The following TTC6 variants were observed in gnomAD, a reference collection of about 807,000 sequenced individuals.
The protein encoded by TTC6 is tetratricopeptide repeat protein 6.
A neutral mutation model predicts 210.4 loss-of-function variants in TTC6; 172 were observed. The ratio of observed to expected loss-of-function variants is 0.82; its 90% confidence interval spans 0.72 to 0.93. The LOEUF (loss-of-function observed/expected upper bound fraction) is 0.93, where lower values mean the gene tolerates loss of function less well. TTC6 is among the 40% of genes least tolerant of loss of function. The probability of loss-of-function intolerance (pLI) is 0.00; values close to 1 mark genes in which losing one functional copy is unlikely to be tolerated. For missense variants in TTC6, 2,414 were observed against 2,318.1 expected (o/e 1.04, Z -0.85); for synonymous variants, 804 against 819.6 (o/e 0.98, Z 0.32).
At chr14:37,777,719 C>A (rs2096042002) in intron 14 of TTC6, among the ~76,000 whole-genome samples, 1 of 148,452 alleles carries the variant, frequency 6.7e-6, no homozygotes, top group Non-Finnish European at 1.5e-5. Context: ...TCTTTCTCAT[C>A]TTTTTGGGCT....
At chr14:37,824,347 A>G (rs931134404) in intron 27 of TTC6, among the ~76,000 whole-genome samples, 4 of 152,198 alleles carry the variant, frequency 2.6e-5, no homozygotes, top group African/African-American at 7.2e-5. Context: ...GTCCTGTTGC[A>G]TTAGTGAAAA....
intron 6 of TTC6, 124 bp downstream of exon 8, chr14:37,714,920 G>A (rs1416466341): frequency 1.2e-6 from 1 of 867,230 alleles, no homozygotes. Context: ...GCTCACGCCT[G>A]TAATCCCAGA....
At chr14:37,628,104 G>T (rs2095663457) in intron 1 of TTC6, among the ~76,000 whole-genome samples, 1 of 152,154 alleles carries the variant, frequency 6.6e-6, no homozygotes, top group South Asian at 2.1e-4. Flanking sequence ...CTGAGTAGCT[G>T]GAATTGCAGG....
intron 14 of TTC6, among the ~76,000 whole-genome samples, chr14:37,759,262 CA>C (rs71127241): frequency 0.05 from 6,022 of 119,794 alleles, 178 homozygotes; most frequent in Non-Finnish European, 0.078. Context: ...GACTCCATCT[CA>C]AAAAAAAAAA....
At chr14:37,678,864 CA>C (rs1192986668) in intron 1 of TTC6, among the ~76,000 whole-genome samples, 2 of 151,956 alleles carry the variant, frequency 1.3e-5, no homozygotes, top group Non-Finnish European at 2.9e-5. Flanking sequence ...TTTTAAGGTA[CA>C]ATGGGAGTTT....
intron 10 of TTC6, among the ~76,000 whole-genome samples, chr14:37,739,819 T>C (rs1440576522): frequency 5.3e-5 from 8 of 152,058 alleles, no homozygotes; most frequent in Non-Finnish European, 8.8e-5. Context: ...TCATTCAAAA[T>C]AGATATTTAA....
chr14:37,771,606 G>A (rs551486229), intron 14 of TTC6, among the ~76,000 whole-genome samples: 96 of 152,140 alleles, frequency 6.3e-4, no homozygotes, highest in Admixed American at 1.4e-3. Flanking sequence ...TGGCTCCTGA[G>A]GCTTCTGCAT....
intron 14 of TTC6, among the ~76,000 whole-genome samples, chr14:37,778,238 C>T (rs1440389809): frequency 1.3e-5 from 2 of 152,024 alleles, no homozygotes; most frequent in Non-Finnish European, 2.9e-5. Flanking sequence ...ACACTGGTGT[C>T]CATTCATGTG....
intron 29 of TTC6, among the ~76,000 whole-genome samples, chr14:37,831,505 A>G (rs1024734709): frequency 2.6e-5 from 4 of 152,166 alleles, no homozygotes; most frequent in Admixed American, 6.5e-5. Flanking sequence ...ACAGTTTTCC[A>G]TAGTAGCTCT....
rs185383088 is a variant in TTC6, at chr14:37,782,111, C to T, written c.3267-5357C>T. Among the ~76,000 whole-genome samples the T allele has an allele frequency of 5.9e-5, 9 of 152,248 alleles. No homozygotes were observed. The South Asian group carries it at 1.5e-3, about 25-fold the overall frequency. On this transcript the variant is annotated intron_variant, in intron 14 of 30. Transcript: ENST00000553443. The stretch of plus-strand genomic sequence containing the variant: ...CTTAGGATTGTCTTGGCAATGCGGG[C>T]TCTCTTTTGGTTCCATATGAACTTT...
At chr14:37,816,728 T>C (rs2096142852) in intron 25 of TTC6, among the ~76,000 whole-genome samples, 1 of 152,160 alleles carries the variant, frequency 6.6e-6, no homozygotes, top group Non-Finnish European at 1.5e-5. Context: ...GCAGTTGACA[T>C]GATATAATAT....
At chr14:37,621,843 G>A (rs1298254033), upstream of TTC6, among the ~76,000 whole-genome samples, 4 of 151,950 alleles carry the variant, frequency 2.6e-5, no homozygotes, top group African/African-American at 9.7e-5. Context: ...AAAAATGACT[G>A]TTTTAGAGGT....
At chr14:37,701,456 G>C in exon 5 of TTC6, 1 of 1,527,240 alleles carries the variant, frequency 6.5e-7, no homozygotes, top group South Asian at 1.2e-5. Context: ...GAAAGGCCAC[G>C]ATACCCTGCT....
intron 1 of TTC6, among the ~76,000 whole-genome samples, chr14:37,670,474 C>CTTTTTTT (rs66725764): frequency 1.6e-5 from 2 of 121,324 alleles, no homozygotes; most frequent in Non-Finnish European, 1.7e-5. Flanking sequence ...AACTACCTCA[C>CTTTTTTT]TTTTTTTTTT....
chr14:37,787,091 G>T (rs965711417), intron 14 of TTC6, among the ~76,000 whole-genome samples: 3 of 152,010 alleles, frequency 2.0e-5, no homozygotes, highest in Non-Finnish European at 4.4e-5. Context: ...TCTGCAAAAT[G>T]GATTATTTTG....
intron 1 of TTC6, among the ~76,000 whole-genome samples, chr14:37,675,609 G>T (rs899687731): frequency 2.0e-5 from 3 of 152,008 alleles, no homozygotes; most frequent in African/African-American, 7.2e-5. Context: ...GAATTGCTGT[G>T]TCAGTTGGTA....
rs113844884 is a variant in TTC6 at position 37,610,670 on chromosome 14, C to A, written c.-155+3928C>A. ...GAATGTTAACTAGCATCCCGACTGC[C>A]GTAGTACTGCCTGCCCACTCACCAT... On this transcript the variant is annotated intron_variant, in intron 2 of 2. Coordinates refer to the TTC6 transcript ENST00000556845. Among the ~76,000 whole-genome samples the A allele has an allele frequency of 7.6e-3, 1,152 of 152,272 alleles. 6 individuals are homozygous for A. Among genetic ancestry groups the A allele is most frequent in the Middle Eastern group, 0.044 (13 of 294 alleles).
chr14:37,743,440 G>T (rs1364868301), intron 10 of TTC6, among the ~76,000 whole-genome samples: 1 of 152,090 alleles, frequency 6.6e-6, no homozygotes, highest in Admixed American at 6.5e-5. Flanking sequence ...ATTAATATTT[G>T]ATAGTAAAAA....
intron 14 of TTC6, among the ~76,000 whole-genome samples, chr14:37,780,403 C>T (rs1169241246): frequency 5.9e-5 from 9 of 152,130 alleles, no homozygotes; most frequent in Admixed American, 5.9e-4. Context: ...TCCCTCCCCT[C>T]ACCCCTCTTC....
Sources: allele counts gnomAD v4.1 joint callset (sites outside exome capture counted in the v4.1 genomes callset), GRCh38; gene constraint gnomAD v4.1.1; transcripts MANE v1.5; gene names NCBI Gene and HGNC (gene_info 2026-07-23, HGNC 2026-07-21).